ZNF525: variants seen among roughly 807,000 people sequenced by gnomAD.
The protein encoded by ZNF525 is zinc finger protein 525.
A neutral mutation model predicts 37.6 loss-of-function variants in ZNF525; 33 were observed. The ratio of observed to expected loss-of-function variants is 0.88; its 90% CI spans 0.67 to 1.17. The LOEUF is 1.17. Ranked by LOEUF, ZNF525 falls within the 50% of genes most tolerant of loss-of-function variation. ZNF525 has a pLI of 0.00. For missense variants in ZNF525, 449 were observed against 543.1 expected (o/e 0.83, Z 1.72); for synonymous variants, 170 against 182.3 (o/e 0.93, Z 0.54).
intron 1 of ZNF525, among the ~76,000 whole-genome samples, chr19:53,367,600 C>T (rs2147062163): frequency 6.6e-6 from 1 of 152,296 alleles, no homozygotes; most frequent in South Asian, 2.1e-4. Flanking sequence ...TTTGAATCGA[C>T]TGAAGGAGGA....
At position 53,383,186 on chromosome 19, in the gene ZNF525, A is replaced by T. The variant is rs1191425271; in HGVS notation, c.*1167A>T. ...TGAGTGTGGCAAGACCTACTCTCAC[A>T]ATTCAGTCCTTGTAATTCATAAGAC... On this transcript the variant is annotated 3_prime_UTR_variant, in exon 4 of 4. Transcript: ENST00000474037. 2.9e-6 allele frequency: 4 copies of T among 1,379,510 alleles called. No individual in the cohort carries two copies. The highest frequency in any genetic ancestry group is 4.0e-6 in the Non-Finnish European group (4 of 989,772). 85.5% of individuals were successfully genotyped at this position (1,379,510 alleles called of 1,614,324 possible). A position where few individuals can be genotyped will look rare whatever the true frequency, so the allele number is the denominator to read the frequency against.
In ZNF525 at chr19:53,385,337, A is replaced by G. The variant is rs2085597637; in HGVS notation, c.*3318A>G. The G allele has an allele frequency of 5.0e-6, 1 of 198,078 alleles. No individual in the cohort carries two copies. 12.3% of individuals were successfully genotyped at this position (198,078 alleles called of 1,614,324 possible). ...AAGGATAAGACATGAGTATAAAAAGAGACTCCATCAAAGCAATATAAATTC... is the reference window on the plus strand; with the variant it reads ...AAGGATAAGACATGAGTATAAAAAGGGACTCCATCAAAGCAATATAAATTC... On this transcript the variant is annotated 3_prime_UTR_variant, in exon 4 of 4. Coordinates refer to ENST00000474037, the MANE Select transcript of ZNF525 (RefSeq NM_001348156.2).
rs968734195 is a variant in ZNF525, at chr19:53,382,449, C to A, written c.*430C>A. On this transcript the variant is annotated 3_prime_UTR_variant, in exon 4 of 4. Coordinates refer to ENST00000474037, the MANE Select transcript of ZNF525 (RefSeq NM_001348156.2). ...CTTCAGTCAGAAGTCATGCCTTACA[C>A]GCCATCATAGACTTCATACTGGAAA... 6.7e-6 allele frequency: 5 copies of A among 750,450 alleles called. No homozygotes were observed. The highest frequency in any genetic ancestry group is 3.5e-5 in the African/African-American group (2 of 57,814). The allele number at this position is 750,450 out of a possible 1,614,324, so 46.5% of individuals were successfully genotyped here.
rs763491938 is a variant in ZNF525, at chr19:53,386,564, C to T, written c.*4545C>T. On this transcript the variant is annotated 3_prime_UTR_variant, in exon 4 of 4. Transcript: ENST00000474037. ...TTGGTTGGCTGTGTTCAGTAATAAA[C>T]GTGAGACTTTTCATTTCAAAACAAA... 1.2e-5 allele frequency: 5 copies of T among 431,926 alleles called. No individual in the cohort carries two copies. Among genetic ancestry groups the T allele is most frequent in the Non-Finnish European group, 2.1e-5 (5 of 234,332 alleles). 26.8% of individuals were successfully genotyped at this position (431,926 alleles called of 1,614,324 possible).
chr19:53,369,682 A>G lies in ZNF525; in HGVS notation c.-67-2533A>G, dbSNP rs1399742655. 2.1e-5 allele frequency among the ~76,000 whole-genome samples: 3 copies of G among 144,838 alleles called. 1 individual carries two copies. Among genetic ancestry groups the G allele is most frequent in the East Asian group, 2.0e-4 (1 of 5,100 alleles). ...TGTAAGGAAGAATTAAACGTCGGGA[A>G]CCAAAGGCAACAGAACCTTGCAAAA... On this transcript the variant is annotated intron_variant, in intron 1 of 3. Coordinates refer to ENST00000474037, the MANE Select transcript of ZNF525 (RefSeq NM_001348156.2).
At position 53,382,190 on chromosome 19, in the gene ZNF525, C is replaced by T. The variant is rs573093747; in HGVS notation, c.*171C>T. On this transcript the variant is annotated 3_prime_UTR_variant, in exon 4 of 4. Coordinates refer to ENST00000474037, the MANE Select transcript of ZNF525 (RefSeq NM_001348156.2). ...ATGAAGCTTTCAGTTTCAAATCAAA[C>T]CTTGAAAGACATAGGAGAATTCACA... 2.5e-6 allele frequency: 4 copies of T among 1,591,494 alleles called. No homozygotes were observed. In the African/African-American group the frequency reaches 5.4e-5, roughly 21 times the overall value.
In ZNF525 at chr19:53,381,742, G is replaced by C; in HGVS notation, c.1163G>C (p.Cys388Ser). 9.2e-7 allele frequency: 1 copy of C among 1,081,468 alleles called. No homozygotes were observed. Among genetic ancestry groups the C allele is most frequent in the Non-Finnish European group, 1.4e-6 (1 of 693,064 alleles). 67.0% of individuals were successfully genotyped at this position (1,081,468 alleles called of 1,614,324 possible). Residue 388 changes from cysteine to serine, a missense_variant, in exon 4 of 4, where the codon TGT becomes TCT. Transcript: ENST00000474037. ...TGEKPYKCNDCGKTFSHMSTL... is the reference protein window; with the variant it reads ...TGEKPYKCNDSGKTFSHMSTL... ...GAGAAACCATACAAGTGTAATGATT[G>C]TGGCAAGACCTTCAGTCATATGTCA...
chr19:53,367,026 A>AATG lies in ZNF525; in HGVS notation c.-68+1269_-68+1270insGAT, dbSNP rs765980288. 6.4e-4 allele frequency among the ~76,000 whole-genome samples: 98 copies of AATG among 152,320 alleles called. 1 individual carries two copies. The Middle Eastern group carries it at 0.014, about 21-fold the overall frequency. On this transcript the variant is annotated intron_variant, in intron 1 of 3. Coordinates refer to ENST00000474037, the MANE Select transcript of ZNF525 (RefSeq NM_001348156.2). Reference sequence around the variant, plus strand: ...GCAGAGTAGAAGCAGTTAATCATATAATAGGTCACGTAATCTATAGCATAG... The same window carrying AATG: ...GCAGAGTAGAAGCAGTTAATCATATAATGATAGGTCACGTAATCTATAGCATAG...
chr19:53,381,072 G>A lies in ZNF525; in HGVS notation c.493G>A (p.Glu165Lys), dbSNP rs1450988775. ...CAAAGGGAAAATTAATAATCAAGTG[G>A]AGAAGTCTATCAACGATGCTTCCTC... ...QPKGKINNQV[E>K]KSINDASSVS... is the part of the protein sequence containing the mutation. Residue 165 changes from glutamate (E) to lysine (K), a missense_variant, in exon 4 of 4, where the codon GAG (glutamate) becomes AAG (lysine). This residue lies in a region of ZNF525 where 271 missense variants were observed against 381.6 expected (regional missense o/e 0.71). Transcript: ENST00000474037. The A allele has an allele frequency of 1.3e-6, 2 of 1,507,720 alleles. No individual in the cohort carries two copies. The highest frequency in any genetic ancestry group is 1.8e-6 in the Non-Finnish European group (2 of 1,083,386). The allele number at this position is 1,507,720 out of a possible 1,614,324, so 93.4% of individuals were successfully genotyped here.
chr19:53,376,867 G>A (rs1219279627), intron 3 of ZNF525, among the ~76,000 whole-genome samples: 1 of 152,198 alleles, frequency 6.6e-6, no homozygotes, highest in East Asian at 1.9e-4. Flanking sequence ...CTACTCAAGA[G>A]GCTAATGCAG....
At chr19:53,377,782 G>A (rs1188954771) in intron 3 of ZNF525, among the ~76,000 whole-genome samples, 3 of 151,866 alleles carry the variant, frequency 2.0e-5, no homozygotes, top group African/African-American at 4.8e-5. Flanking sequence ...GAATGGTCTC[G>A]ATCTCCTGAC....
In ZNF525 at chr19:53,383,553, G is replaced by A. The variant is rs1027568575; in HGVS notation, c.*1534G>A. On this transcript the variant is annotated 3_prime_UTR_variant, in exon 4 of 4. Transcript: ENST00000474037. ...GCACAACATCCCAGAGTTCACACTG[G>A]AGAGAAACCTTACAAGTGTAATGAG... 9 of 1,444,266 alleles carry A rather than the reference G, an allele frequency of 6.2e-6. No individual in the cohort carries two copies. The highest frequency in any genetic ancestry group is 8.5e-6 in the Non-Finnish European group (9 of 1,064,142). 89.5% of individuals were successfully genotyped at this position (1,444,266 alleles called of 1,614,324 possible).
chr19:53,381,644 C>T lies in ZNF525; in HGVS notation c.1065C>T (p.Tyr355=), dbSNP rs753831741. The T allele has an allele frequency of 1.5e-5, 17 of 1,129,530 alleles. No homozygotes were observed. The highest frequency in any genetic ancestry group is 7.6e-5 in the African/African-American group (5 of 65,896). 70.0% of individuals were successfully genotyped at this position (1,129,530 alleles called of 1,614,324 possible). A position where few individuals can be genotyped will look rare whatever the true frequency, so the allele number is the denominator to read the frequency against. Residue 355 remains tyrosine, a synonymous_variant, in exon 4 of 4, where the codon TAC becomes TAT. Transcript: ENST00000474037. ...HRSIHTGKKP[Y]ECEECDKAFS... is the part of the protein sequence containing the mutation. ...GCATTCATACTGGAAAGAAACCTTA[C>T]GAATGTGAAGAATGTGACAAAGCTT... is the stretch of plus-strand genomic sequence containing the variant.
intron 1 of ZNF525, among the ~76,000 whole-genome samples, chr19:53,370,890 G>A (rs550184578): frequency 9.9e-4 from 151 of 152,316 alleles, no homozygotes; most frequent in African/African-American, 3.6e-3. Context: ...CCACAGCCCT[G>A]TGTCCAGGGC....
rs1404495101 is a variant in ZNF525 at position 53,381,184 on chromosome 19, T to C, written c.605T>C (p.Leu202Pro). Residue 202 changes from leucine to proline, a missense_variant, in exon 4 of 4, where the codon CTC becomes CCC. Around this residue, in one of 2 missense-constraint regions of ZNF525, gnomAD observed 271 missense variants for 381.6 expected, o/e 0.71. Transcript: ENST00000474037. Reference protein sequence around the residue: ...YGDNFLNYSLLTQRQEVRMRE... With the variant: ...YGDNFLNYSLPTQRQEVRMRE... ...GATAATTTTCTGAATTATTCATTAC[T>C]CACACAAAGACAGGAAGTACGCATG... The C allele has an allele frequency of 2.9e-6, 4 of 1,356,440 alleles. No homozygotes were observed. The highest frequency in any genetic ancestry group is 3.4e-5 in the Admixed American group (2 of 59,668). The allele number at this position is 1,356,440 out of a possible 1,614,324, so 84.0% of individuals were successfully genotyped here.
chr19:53,380,224 G>A (rs1379600848), intron 3 of ZNF525, among the ~76,000 whole-genome samples: 1 of 151,744 alleles, frequency 6.6e-6, no homozygotes, highest in African/African-American at 2.4e-5. Flanking sequence ...GCGAGTAGCT[G>A]GGAGTACAGA....
At chr19:53,378,525 C>T (rs1032413814) in intron 3 of ZNF525, among the ~76,000 whole-genome samples, 63 of 151,990 alleles carry the variant, frequency 4.1e-4, no homozygotes, top group Admixed American at 7.2e-4. Flanking sequence ...GAGCGTGACT[C>T]GGTCTCAAAA....
Position 53,375,939 on chromosome 19 carries a change from T to A in ZNF525, c.142+43T>A, listed in dbSNP as rs115508169. ...CCAGAAGTGGGGATGTGTCCTTTCGTATCTTTGTATTTTCTCTTTTTTTAG... is the reference window on the plus strand; with the variant it reads ...CCAGAAGTGGGGATGTGTCCTTTCGAATCTTTGTATTTTCTCTTTTTTTAG... On this transcript the variant is annotated intron_variant, in intron 3 of 3. Coordinates refer to ENST00000474037, the MANE Select transcript of ZNF525 (RefSeq NM_001348156.2). 1.2e-3 allele frequency: 1,909 copies of A among 1,611,630 alleles called. 12 individuals carry two copies. In the African/African-American group the frequency reaches 0.023, roughly 19 times the overall value.
Position 53,381,515 on chromosome 19 carries a change from A to T in ZNF525, c.936A>T (p.Ser312=). 7.8e-7 allele frequency: 1 copy of T among 1,283,102 alleles called. No individual in the cohort carries two copies. The highest frequency in any genetic ancestry group is 1.1e-6 in the Non-Finnish European group (1 of 877,954). 79.5% of individuals were successfully genotyped at this position (1,283,102 alleles called of 1,614,324 possible). The stretch of plus-strand genomic sequence containing the variant: ...GTGACAAAGCTTTCAGACACAATTC[A>T]GCCCTTCAAAGACATAGGAGAATTC... ...EECDKAFRHN[S]ALQRHRRIHT... is the part of the protein sequence containing the mutation. Residue 312 remains serine (S), a synonymous_variant, in exon 4 of 4, where the codon TCA becomes TCT. Transcript: ENST00000474037.
Sources: gnomAD v4.1 joint callset for allele counts (sites outside exome capture counted in the v4.1 genomes callset) on GRCh38, gnomAD v4.1.1 for gene constraint, gnomAD v4.1.1 regional missense constraint, MANE v1.5 for transcripts, NCBI Gene and HGNC (gene_info 2026-07-23, HGNC 2026-07-21) for gene names.